Variants in NBAS observed in about 807,000 individuals in gnomAD.
NBAS encodes NAG/BC035112 fusion.
In NBAS, 219 loss-of-function variants were observed where a neutral mutation model predicts 302.5. The ratio of observed to expected loss-of-function variants is 0.72; its 90% CI spans 0.65 to 0.81. The LOEUF (loss-of-function observed/expected upper bound fraction) is 0.81. Ranked by LOEUF, NBAS falls within the 30% of genes least tolerant of loss-of-function variation. The probability of loss-of-function intolerance (pLI) is 0.00; values close to 1 mark genes in which losing one functional copy is unlikely to be tolerated. For missense variants in NBAS, 2,932 were observed against 2,841.6 expected, an observed-to-expected ratio of 1.03 and a Z score of -0.72; for synonymous variants, 1,118 against 1,021.6, an observed-to-expected ratio of 1.09 and a Z score of -1.80.
chr2:15,090,760 T>C, the NBAS span, among the ~76,000 whole-genome samples: 1 of 152,172 alleles, frequency 6.6e-6, no homozygotes, highest in Admixed American at 6.5e-5. Flanking sequence ...GGAAAAGCCA[T>C]AGGAAGCAAG....
the NBAS span, among the ~76,000 whole-genome samples, chr2:15,045,515 TG>T: frequency 6.6e-6 from 1 of 152,234 alleles, no homozygotes; most frequent in Non-Finnish European, 1.5e-5. Flanking sequence ...TGTTTTGTTT[TG>T]TTTTTTTAAT....
the NBAS span, among the ~76,000 whole-genome samples, chr2:14,955,387 G>A: frequency 3.3e-5 from 5 of 152,144 alleles, no homozygotes; most frequent in Admixed American, 2.0e-4. Flanking sequence ...GCAAGCTGTC[G>A]GTGGATTTAC....
intron 9 of NBAS, among the ~76,000 whole-genome samples, chr2:15,521,783 C>T (rs894486863): frequency 1.3e-5 from 2 of 152,140 alleles, no homozygotes; most frequent in African/African-American, 4.8e-5. Flanking sequence ...CAGCAAACTC[C>T]AGCCCCTCAA....
rs188557821 is a variant in NBAS at position 15,366,998 on chromosome 2, A to C, written c.3704-305T>G. Among the ~76,000 whole-genome samples the C allele has an allele frequency of 4.6e-3, 696 of 152,246 alleles. 2 individuals are homozygous for C. Among genetic ancestry groups the C allele is most frequent in the Non-Finnish European group, 7.6e-3 (515 of 67,996 alleles). ...TGTACCATGTCAGGACTTAGGGAAAAATTTAAACGAGACAGTATTTGTCTC... is the reference window on the plus strand; with the variant it reads ...TGTACCATGTCAGGACTTAGGGAAACATTTAAACGAGACAGTATTTGTCTC... On this transcript the variant is annotated intron_variant, in intron 31 of 51. Transcript: ENST00000281513.
rs141509757 is a variant in NBAS at position 15,265,351 on chromosome 2, C to T, written c.5724+10133G>A. Reference sequence around the variant, plus strand: ...CCAATCACTCTCTAGTAATCTGACCCTCAGACCAGAGATGATAATACTTGC... The same window carrying T: ...CCAATCACTCTCTAGTAATCTGACCTTCAGACCAGAGATGATAATACTTGC... On this transcript the variant is annotated intron_variant, in intron 44 of 51. Transcript: ENST00000281513. Among the ~76,000 whole-genome samples the T allele has an allele frequency of 5.5e-3, 831 of 152,268 alleles. 4 individuals carry two copies. The highest frequency in any genetic ancestry group is 0.017 in the African/African-American group (705 of 41,544).
the NBAS span, among the ~76,000 whole-genome samples, chr2:14,965,333 A>T: frequency 6.6e-6 from 1 of 152,198 alleles, no homozygotes; most frequent in African/African-American, 2.4e-5. Flanking sequence ...ATAAACTACA[A>T]ATATTAAGAA....
At chr2:15,423,976 A>G (rs1677330515) in intron 23 of NBAS, among the ~76,000 whole-genome samples, 1 of 152,204 alleles carries the variant, frequency 6.6e-6, no homozygotes, top group Non-Finnish European at 1.5e-5. Context: ...ACTGCAATAA[A>G]ACAGTGGCTT....
At chr2:15,297,787 C>T (rs151180554) in intron 40 of NBAS, among the ~76,000 whole-genome samples, 2 of 152,254 alleles carry the variant, frequency 1.3e-5, no homozygotes, top group African/African-American at 2.4e-5. Flanking sequence ...AGATTTAATG[C>T]TGTCATTCCG....
chr2:15,232,935 A>G (rs757739940), intron 46 of NBAS, among the ~76,000 whole-genome samples: 2 of 151,856 alleles, frequency 1.3e-5, no homozygotes, highest in African/African-American at 2.4e-5. Flanking sequence ...GTTCACATAT[A>G]TTCTGCTACT....
chr2:14,860,817 T>G, the NBAS span, among the ~76,000 whole-genome samples: 1 of 152,124 alleles, frequency 6.6e-6, no homozygotes, highest in Admixed American at 6.6e-5. Flanking sequence ...GAGGTAGATT[T>G]CAAAATAGCT....
intron 44 of NBAS, among the ~76,000 whole-genome samples, chr2:15,269,918 C>A (rs528898983): frequency 2.0e-4 from 30 of 152,246 alleles, no homozygotes; most frequent in African/African-American, 7.2e-4. Flanking sequence ...ATTAAAATAT[C>A]TCTCCCTTTT....
At chr2:15,420,680 A>G (rs1225581115) in intron 23 of NBAS, among the ~76,000 whole-genome samples, 2 of 152,184 alleles carry the variant, frequency 1.3e-5, no homozygotes, top group African/African-American at 4.8e-5. Context: ...GGCTCTGACC[A>G]AAAGAGGAGA....
intron 9 of NBAS, among the ~76,000 whole-genome samples, 172 bp downstream of exon 9, chr2:15,534,371 A>C (rs1216668712): frequency 6.6e-6 from 1 of 152,228 alleles, no homozygotes; most frequent in African/African-American, 2.4e-5. Context: ...TCAGTGAGCC[A>C]GATAGATAAG....
At chr2:15,126,382 G>C in the NBAS span, among the ~76,000 whole-genome samples, 1 of 152,166 alleles carries the variant, frequency 6.6e-6, no homozygotes, top group Admixed American at 6.5e-5. Flanking sequence ...TTACAGCAAT[G>C]TGAAAACACA....
At chr2:15,477,911 G>C (rs749983067) in intron 13 of NBAS, among the ~76,000 whole-genome samples, 1 of 152,072 alleles carries the variant, frequency 6.6e-6, no homozygotes, top group Non-Finnish European at 1.5e-5. Context: ...CCCCCAACCC[G>C]CGAGATAACT....
the NBAS span, among the ~76,000 whole-genome samples, chr2:14,921,330 C>A: frequency 6.6e-6 from 1 of 152,038 alleles, no homozygotes; most frequent in Non-Finnish European, 1.5e-5. Context: ...TGACTGATCA[C>A]AGATCACAAT....
chr2:14,789,555 A>C, the NBAS span, among the ~76,000 whole-genome samples: 1 of 152,226 alleles, frequency 6.6e-6, no homozygotes, highest in East Asian at 1.9e-4. Context: ...GTTTTAATAC[A>C]TTAGAACTCT....
chr2:15,368,971 C>A (rs1674355666), intron 31 of NBAS, among the ~76,000 whole-genome samples: 1 of 152,184 alleles, frequency 6.6e-6, no homozygotes, highest in Non-Finnish European at 1.5e-5. Flanking sequence ...TAAAAACTCA[C>A]CGATACAGTA....
chr2:15,441,022 G>A (rs1196226330), intron 21 of NBAS, among the ~76,000 whole-genome samples: 5 of 152,150 alleles, frequency 3.3e-5, no homozygotes, highest in Admixed American at 1.3e-4. Flanking sequence ...GACCAAATCT[G>A]CATCTGATTG....
Sources: gnomAD v4.1 joint callset for allele counts (sites outside exome capture counted in the v4.1 genomes callset) on GRCh38, gnomAD v4.1.1 for gene constraint, MANE v1.5 for transcripts, NCBI Gene and HGNC (gene_info 2026-07-23, HGNC 2026-07-21) for gene names.